The following PRKAR1A variants were observed in gnomAD, a reference collection of about 807,000 sequenced individuals.
PRKAR1A encodes the protein cAMP-dependent protein kinase type I-alpha regulatory subunit.
In PRKAR1A, 3 loss-of-function variants were observed where a neutral mutation model predicts 52.0. That is an observed-to-expected ratio of 0.06 (90% CI 0.03 to 0.15). The LOEUF (loss-of-function observed/expected upper bound fraction) is 0.15, where lower values mean the gene tolerates loss of function less well. Among genes scored for constraint, PRKAR1A ranks in the 10% least tolerant of loss-of-function variants. The pLI is 1.00. For synonymous variants in PRKAR1A, 188 were observed against 168.4 expected (o/e 1.12, Z -0.90); for missense variants, 240 against 477.4 (o/e 0.50, Z 4.63).
At chr17:68,540,941 AGG>A (rs2086259804) in intron 11 of PRKAR1A, 1 of 1,594,608 alleles carries the variant, frequency 6.3e-7, no homozygotes, top group Non-Finnish European at 8.6e-7. Flanking sequence ...GTCACAGTAA[AGG>A]GGATTGACCT....
intron 1 of PRKAR1A, chr17:68,512,934 T>A (rs2085309233): frequency 6.6e-6 from 1 of 152,236 alleles, no homozygotes; most frequent in Admixed American, 6.5e-5. Context: ...TTTACTGGGG[T>A]CCGCCATCGT....
chr17:68,538,771 G>A (rs562931598), intron 11 of PRKAR1A, among the ~76,000 whole-genome samples: 1 of 152,206 alleles, frequency 6.6e-6, no homozygotes, highest in Non-Finnish European at 1.5e-5. Context: ...GTGGGTCAAC[G>A]ATTAAAGTTG....
At chr17:68,474,987 T>A in the PRKAR1A span, among the ~76,000 whole-genome samples, 1 of 152,218 alleles carries the variant, frequency 6.6e-6, no homozygotes, top group South Asian at 2.1e-4. Flanking sequence ...AGTTCTAAAA[T>A]CTAAGTTGGA....
At chr17:68,544,788 C>A (rs2086472199) in intron 11 of PRKAR1A, among the ~76,000 whole-genome samples, 1 of 152,186 alleles carries the variant, frequency 6.6e-6, no homozygotes, top group Non-Finnish European at 1.5e-5. Flanking sequence ...AATCCCTCTT[C>A]CCAGTCTCAT....
the PRKAR1A span, chr17:68,420,537 C>T: frequency 1.3e-4 from 199 of 1,513,894 alleles, no homozygotes; most frequent in African/African-American, 2.3e-3. Context: ...CATTTTTACC[C>T]TCTTTACAAA....
chr17:68,531,828 T>C lies in PRKAR1A; in HGVS notation c.*1379T>C. ...CAACAGTTTATTTTTATTATTTTTT[T>C]AAACAAAATTTCACAGTTCTGTAAT... On this transcript the variant is annotated 3_prime_UTR_variant, in exon 11 of 11. Transcript: ENST00000589228. The C allele has an allele frequency of 6.8e-6, 7 of 1,034,712 alleles. No homozygotes were observed. Among genetic ancestry groups the C allele is most frequent in the Non-Finnish European group, 8.2e-6 (7 of 851,034 alleles). 64.1% of individuals were successfully genotyped at this position (1,034,712 alleles called of 1,614,324 possible).
intron 1 of PRKAR1A, chr17:68,515,004 G>C: frequency 3.5e-6 from 1 of 287,066 alleles, no homozygotes; most frequent in East Asian, 9.4e-5. Flanking sequence ...TTGTGCCCTG[G>C]TAATTCTGTA....
intron 5 of PRKAR1A, 47 bp from the exon 6 acceptor site, chr17:68,524,861 ATTTC>A (rs1408101579): frequency 5.7e-6 from 8 of 1,402,156 alleles, no homozygotes; most frequent in Non-Finnish European, 6.1e-6. Flanking sequence ...AATTTTGATA[ATTTC>A]TTTCTTTAAT....
the PRKAR1A span, among the ~76,000 whole-genome samples, chr17:68,461,256 A>C: frequency 6.6e-6 from 1 of 152,236 alleles, no homozygotes; most frequent in Non-Finnish European, 1.5e-5. This position sits in a 1 kb window ranked among gnomAD's most constrained non-coding sequence, Gnocchi z 4.6. Flanking sequence ...GTAAGTAACT[A>C]GTAAGTTACT....
chr17:68,415,710 G>A, the PRKAR1A span, among the ~76,000 whole-genome samples: 1,682 of 152,200 alleles, frequency 0.011, 36 homozygotes, highest in African/African-American at 0.037. Context: ...CCAGTGTTAG[G>A]AGCATATATG....
At chr17:68,537,104 G>A (rs1303300545), downstream of PRKAR1A, 1 of 469,484 alleles carries the variant, frequency 2.1e-6, no homozygotes, top group South Asian at 1.5e-5. This position sits in a 1 kb window ranked among gnomAD's most constrained non-coding sequence, Gnocchi z 4.2. Context: ...CTAGAATAAG[G>A]ATCCTGAGAA....
the PRKAR1A span, among the ~76,000 whole-genome samples, chr17:68,455,631 A>C: frequency 6.6e-6 from 1 of 152,232 alleles, no homozygotes; most frequent in South Asian, 2.1e-4. Flanking sequence ...TAGGCAAGGC[A>C]AAGCTGCCCA....
the PRKAR1A span, among the ~76,000 whole-genome samples, chr17:68,425,096 G>A: frequency 1.3e-5 from 2 of 152,180 alleles, no homozygotes; most frequent in Non-Finnish European, 2.9e-5. Flanking sequence ...AGCCAGCCCC[G>A]AGGGCCCTAG....
intron 2 of PRKAR1A, among the ~76,000 whole-genome samples, chr17:68,522,030 T>C (rs908906016): frequency 2.0e-5 from 3 of 152,252 alleles, no homozygotes; most frequent in African/African-American, 7.2e-5. Flanking sequence ...TTTTTGTCTT[T>C]TAACTTCAAG....
rs2085995791 is a variant in PRKAR1A, at chr17:68,532,235, A to G, written c.*1786A>G. On this transcript the variant is annotated 3_prime_UTR_variant, in exon 11 of 11. Coordinates refer to ENST00000589228, the MANE Select transcript of PRKAR1A (RefSeq NM_002734.5). Reference sequence around the variant, plus strand: ...TTAAAAATGAAAATTACGTTCTTACAAGCTTAAAGCTTGATTTGATCTTTG... The same window carrying G: ...TTAAAAATGAAAATTACGTTCTTACGAGCTTAAAGCTTGATTTGATCTTTG... 1.9e-6 allele frequency: 2 copies of G among 1,036,260 alleles called. No individual in the cohort carries two copies. Among genetic ancestry groups the G allele is most frequent in the African/African-American group, 1.7e-5 (1 of 60,380 alleles). The allele number at this position is 1,036,260 out of a possible 1,614,324, so 64.2% of individuals were successfully genotyped here. A position where few individuals can be genotyped will look rare whatever the true frequency, so the allele number is the denominator to read the frequency against.
At chr17:68,538,076 G>A (rs1279993550), downstream of PRKAR1A, among the ~76,000 whole-genome samples, 2 of 152,200 alleles carry the variant, frequency 1.3e-5, no homozygotes, top group East Asian at 3.8e-4. Context: ...GAGATTTAAA[G>A]CTAATGGGAG....
the PRKAR1A span, among the ~76,000 whole-genome samples, chr17:68,502,959 T>C: frequency 1.3e-5 from 2 of 152,242 alleles, no homozygotes; most frequent in African/African-American, 4.8e-5. Flanking sequence ...AACCAAAATA[T>C]AGACTTTATT....
chr17:68,482,591 AC>A, the PRKAR1A span, among the ~76,000 whole-genome samples: 11 of 152,168 alleles, frequency 7.2e-5, no homozygotes, highest in Non-Finnish European at 1.5e-5. Flanking sequence ...TACTTCCTTC[AC>A]TCTGGGGCAA....
downstream of PRKAR1A, among the ~76,000 whole-genome samples, chr17:68,533,621 T>C (rs576598049): frequency 2.5e-4 from 38 of 152,362 alleles, no homozygotes; most frequent in African/African-American, 7.9e-4. Context: ...TTTGTACTTA[T>C]GTTAGGCCCT....
Sources: gnomAD v4.1 joint callset for allele counts (sites outside exome capture counted in the v4.1 genomes callset) on GRCh38, gnomAD v4.1.1 for gene constraint, Gnocchi (gnomAD v3.1) non-coding constraint, MANE v1.5 for transcripts, NCBI Gene and HGNC (gene_info 2026-07-23, HGNC 2026-07-21) for gene names.